PDE10A: variants seen among roughly 807,000 people sequenced by gnomAD.
PDE10A encodes the protein cAMP and cAMP-inhibited cGMP 3',5'-cyclic phosphodiesterase 10A.
In PDE10A, 39 loss-of-function variants were observed where a neutral mutation model predicts 97.7. That is an observed-to-expected ratio of 0.40 (90% CI 0.31 to 0.52). The LOEUF (loss-of-function observed/expected upper bound fraction) is 0.52, where lower values mean the gene tolerates loss of function less well. Among genes scored for constraint, PDE10A ranks in the 20% least tolerant of loss-of-function variants. The pLI, the probability that PDE10A is intolerant of heterozygous loss-of-function variation, is 0.56. For synonymous variants in PDE10A, 371 were observed against 376.8 expected (o/e 0.98, Z 0.18); for missense variants, 731 against 1,047.8 (o/e 0.70, Z 4.17).
At chr6:165,487,891 C>G (rs1780010187) in intron 2 of PDE10A, among the ~76,000 whole-genome samples, 1 of 152,066 alleles carries the variant, frequency 6.6e-6, no homozygotes, top group Non-Finnish European at 1.5e-5. Flanking sequence ...AGCACACACT[C>G]AGCGGTGAAG....
At chr6:165,398,211 T>C (rs1786328407) in intron 13 of PDE10A, among the ~76,000 whole-genome samples, 1 of 152,170 alleles carries the variant, frequency 6.6e-6, no homozygotes, top group Admixed American at 6.6e-5. Flanking sequence ...CCAAATGGAA[T>C]AAAGTTTGTA....
chr6:165,462,252 G>C (rs1273768171), intron 3 of PDE10A, among the ~76,000 whole-genome samples: 2 of 152,182 alleles, frequency 1.3e-5, no homozygotes, highest in African/African-American at 2.4e-5. Flanking sequence ...AGTTGCAAAA[G>C]GGGGAAATAG....
At chr6:165,374,550 TA>T (rs929632454) in intron 18 of PDE10A, among the ~76,000 whole-genome samples, 1 of 151,946 alleles carries the variant, frequency 6.6e-6, no homozygotes, top group Non-Finnish European at 1.5e-5. Context: ...TAAACAAACA[TA>T]AAAAAATCTT....
At chr6:165,854,331 A>G (rs1562768993) in intron 1 of PDE10A, among the ~76,000 whole-genome samples, 2 of 152,074 alleles carry the variant, frequency 1.3e-5, no homozygotes, top group African/African-American at 2.4e-5. Context: ...TGGCACAGGG[A>G]CCCAGGGACT....
intron 1 of PDE10A, among the ~76,000 whole-genome samples, chr6:165,557,074 G>A (rs1301750148): frequency 6.6e-6 from 1 of 152,160 alleles, no homozygotes; most frequent in South Asian, 2.1e-4. Context: ...AGGAGACGGA[G>A]GTTGCAGTGA....
intron 19 of PDE10A, among the ~76,000 whole-genome samples, chr6:165,342,082 G>A (rs1782005532): frequency 6.6e-6 from 1 of 152,058 alleles, no homozygotes; most frequent in Non-Finnish European, 1.5e-5. Context: ...TATAAGTTTT[G>A]ATAAATTTTA....
rs188677547 is a variant in PDE10A, at chr6:165,848,393, G to A, written c.-615+139136C>T. Among the ~76,000 whole-genome samples the A allele has an allele frequency of 4.6e-5, 7 of 152,310 alleles. No individual in the cohort carries two copies. The East Asian group carries it at 5.8e-4, about 13-fold the overall frequency. The stretch of plus-strand genomic sequence containing the variant: ...CCTGTGCGTGCAGAGGAGGCGTGGA[G>A]TGGCTTGTCACTTTACGTCGGGCTG... On this transcript the variant is annotated intron_variant, in intron 1 of 19. Transcript: ENST00000366882.
chr6:165,422,095 G>A (rs1217017447), intron 10 of PDE10A, among the ~76,000 whole-genome samples: 2 of 152,182 alleles, frequency 1.3e-5, no homozygotes, highest in Admixed American at 1.3e-4. Flanking sequence ...GTTTTAAGAT[G>A]AGCATTTCTA....
chr6:165,335,420 A>C (rs1291018190), intron 21 of PDE10A, among the ~76,000 whole-genome samples: 3 of 152,166 alleles, frequency 2.0e-5, no homozygotes, highest in African/African-American at 7.2e-5. Context: ...AATAACAATA[A>C]TAATAAAAAC....
chr6:165,386,051 A>G (rs1009993827), intron 17 of PDE10A, among the ~76,000 whole-genome samples: 3 of 152,138 alleles, frequency 2.0e-5, no homozygotes, highest in Admixed American at 2.0e-4. Context: ...TTGAATGCCA[A>G]CAGCTTACCT....
At chr6:165,573,327 T>A (rs374864054) in intron 1 of PDE10A, among the ~76,000 whole-genome samples, 3 of 151,840 alleles carry the variant, frequency 2.0e-5, no homozygotes, top group East Asian at 3.9e-4. Flanking sequence ...TATGCATTAG[T>A]AGATTACTAC....
chr6:165,927,647 CAT>C (rs71029572), intron 1 of PDE10A, among the ~76,000 whole-genome samples: 2,640 of 73,208 alleles, frequency 0.036, 137 homozygotes, highest in African/African-American at 0.12. Context: ...ATGAGAATGA[CAT>C]ATATATATAT....
chr6:165,633,351 A>T, intron 1 of PDE10A, among the ~76,000 whole-genome samples: 1 of 152,222 alleles, frequency 6.6e-6, no homozygotes, highest in East Asian at 1.9e-4. Flanking sequence ...TGTGGCTCAG[A>T]AGCGGCCACT....
intron 1 of PDE10A, among the ~76,000 whole-genome samples, chr6:165,957,886 T>TCTC (rs1784184075): frequency 6.6e-6 from 1 of 152,204 alleles, no homozygotes; most frequent in South Asian, 2.1e-4. Context: ...TAGGTCCATG[T>TCTC]CTCCATGGAG....
intron 3 of PDE10A, among the ~76,000 whole-genome samples, chr6:165,454,370 C>T (rs1021039715): frequency 1.3e-5 from 2 of 152,094 alleles, no homozygotes; most frequent in Non-Finnish European, 2.9e-5. Flanking sequence ...ATTTTGGTGG[C>T]CAGGGGTGGA....
intron 1 of PDE10A, among the ~76,000 whole-genome samples, chr6:165,892,865 G>A (rs1221623095): frequency 6.6e-6 from 1 of 152,160 alleles, no homozygotes; most frequent in African/African-American, 2.4e-5. Flanking sequence ...AACTTGAGAG[G>A]AATCGAGGCA....
Position 165,399,794 on chromosome 6 carries a change from A to G in PDE10A, c.2077-3335T>C, listed in dbSNP as rs566726715. On this transcript the variant is annotated intron_variant, in intron 13 of 21. Transcript: ENST00000539869. ...GGCTGCATAGTATTCCATGGTGTAT[A>G]TGTGCCACATTTTCTTAATCTAGTC... 2.0e-5 allele frequency among the ~76,000 whole-genome samples: 3 copies of G among 152,314 alleles called. No individual in the cohort carries two copies. In the East Asian group the frequency reaches 5.8e-4, roughly 29 times the overall value.
Position 165,418,647 on chromosome 6 carries a change from G to A in PDE10A, c.1784C>T (p.Thr595Ile). 6.2e-7 allele frequency: 1 copy of A among 1,612,770 alleles called. No individual in the cohort carries two copies. The highest frequency in any genetic ancestry group is 8.5e-7 in the Non-Finnish European group (1 of 1,179,746). Reference protein sequence around the residue: ...EKEGKPVFKKTKEIRFSIEKG... With the variant: ...EKEGKPVFKKIKEIRFSIEKG... The stretch of plus-strand genomic sequence containing the variant: ...CTTCTAGCTGTACCTTATCTCTTTG[G>A]TCTTCTTGAAGACAGGTTTTCCTTC... Residue 595 changes from threonine (T) to isoleucine (I), a missense_variant, in exon 11 of 22, where the codon ACC becomes ATC. By Grantham distance (89) the Thr-to-Ile change is moderately conservative. This residue lies in a region of PDE10A where 108 missense variants were observed against 199.8 expected (regional missense o/e 0.54). Transcript: ENST00000539869. This position sits in a 1 kb window ranked among gnomAD's most constrained non-coding sequence, Gnocchi z 4.8.
At chr6:165,971,731 T>C (rs948689604) in intron 1 of PDE10A, among the ~76,000 whole-genome samples, 3 of 152,222 alleles carry the variant, frequency 2.0e-5, no homozygotes, top group Admixed American at 2.0e-4. Context: ...AGGCCTGGGA[T>C]TGGAAGCGGT....
Sources: gnomAD v4.1 joint callset for allele counts (sites outside exome capture counted in the v4.1 genomes callset) on GRCh38, gnomAD v4.1.1 for gene constraint, gnomAD v4.1.1 regional missense constraint, Gnocchi (gnomAD v3.1) non-coding constraint, MANE v1.5 for transcripts, NCBI Gene and HGNC (gene_info 2026-07-23, HGNC 2026-07-21) for gene names.